FOXJ3: variants seen among roughly 807,000 people sequenced by gnomAD.
FOXJ3 encodes the protein forkhead box protein J3.
FOXJ3 carries 22 observed loss-of-function variants against 76.1 expected under a neutral mutation model. The observed-to-expected ratio is 0.29, with a 90% CI of 0.21 to 0.41. The LOEUF is 0.41. FOXJ3 is among the 10% of genes least tolerant of loss of function. The probability of loss-of-function intolerance (pLI) is 1.00; values close to 1 mark genes in which losing one functional copy is unlikely to be tolerated. For missense variants in FOXJ3, 613 were observed against 762.1 expected, an observed-to-expected ratio of 0.80 and a Z score of 2.30; for synonymous variants, 269 against 261.2, an observed-to-expected ratio of 1.03 and a Z score of -0.29.
intron 4 of FOXJ3, among the ~76,000 whole-genome samples, chr1:42,240,723 G>C (rs1163458400): frequency 6.6e-6 from 1 of 152,118 alleles, no homozygotes; most frequent in African/African-American, 2.4e-5. Context: ...ATGGATCAAA[G>C]ATCTAAATGG....
In FOXJ3 at chr1:42,231,941, T is replaced by C. The variant is rs545047745; in HGVS notation, c.445-3975A>G. On this transcript the variant is annotated intron_variant, in intron 4 of 12. Coordinates refer to ENST00000361346, the MANE Select transcript of FOXJ3 (RefSeq NM_014947.5). ...TTAGGTATATCTCCTAATGCTATCC[T>C]TCCCCCCTACCCCCACCCCACAACA... Among the ~76,000 whole-genome samples, 631 of 152,278 alleles carry C rather than the reference T, an allele frequency of 4.1e-3. 3 individuals carry two copies. Among genetic ancestry groups the C allele is most frequent in the African/African-American group, 0.014 (586 of 41,568 alleles).
intron 3 of FOXJ3, among the ~76,000 whole-genome samples, chr1:42,276,412 G>A (rs1396047432): frequency 6.6e-6 from 1 of 152,008 alleles, no homozygotes; most frequent in Non-Finnish European, 1.5e-5. Flanking sequence ...AATTGCTACC[G>A]TTATAACCTA....
At chr1:42,287,342 A>G (rs1653126615) in intron 2 of FOXJ3, among the ~76,000 whole-genome samples, 1 of 152,108 alleles carries the variant, frequency 6.6e-6, no homozygotes, top group Admixed American at 6.5e-5. Flanking sequence ...TCCATCTTAA[A>G]AAAAAATAAA....
chr1:42,274,060 T>C (rs906434468), intron 3 of FOXJ3, among the ~76,000 whole-genome samples: 4 of 152,198 alleles, frequency 2.6e-5, no homozygotes, highest in Admixed American at 2.6e-4. Context: ...TGAATTCTTA[T>C]TGGGCTTTCT....
chr1:42,272,917 T>C (rs1651967282), intron 3 of FOXJ3, among the ~76,000 whole-genome samples: 1 of 152,166 alleles, frequency 6.6e-6, no homozygotes, highest in Admixed American at 6.5e-5. Flanking sequence ...TTCCTAACAC[T>C]TGAACTTTGA....
intron 3 of FOXJ3, among the ~76,000 whole-genome samples, chr1:42,270,696 A>G (rs1032804225): frequency 3.3e-5 from 5 of 152,162 alleles, no homozygotes; most frequent in African/African-American, 7.2e-5. Context: ...CCTTAAAAAC[A>G]CCGTCCCCAA....
At chr1:42,231,438 CAA>C (rs1648105801) in intron 4 of FOXJ3, among the ~76,000 whole-genome samples, 1 of 151,988 alleles carries the variant, frequency 6.6e-6, no homozygotes, top group Non-Finnish European at 1.5e-5. Context: ...TTCTTAGAGA[CAA>C]AGAGTAAAAT....
At chr1:42,199,729 T>C (rs985240556) in intron 6 of FOXJ3, among the ~76,000 whole-genome samples, 4 of 151,790 alleles carry the variant, frequency 2.6e-5, no homozygotes, top group Admixed American at 6.6e-5. Flanking sequence ...AATTATATGA[T>C]CTAACTTTTA....
At chr1:42,192,696 T>G (rs1401512837) in intron 8 of FOXJ3, among the ~76,000 whole-genome samples, 1 of 152,128 alleles carries the variant, frequency 6.6e-6, no homozygotes, top group Non-Finnish European at 1.5e-5. Flanking sequence ...CTAGACTATT[T>G]TCAAATCCTA....
At chr1:42,247,387 TA>T in intron 4 of FOXJ3, among the ~76,000 whole-genome samples, 1 of 152,244 alleles carries the variant, frequency 6.6e-6, no homozygotes, top group African/African-American at 2.4e-5. Context: ...ATATTAGCAA[TA>T]CAGGATCTGT....
At chr1:42,245,759 C>G (rs1649502761) in intron 4 of FOXJ3, among the ~76,000 whole-genome samples, 1 of 152,088 alleles carries the variant, frequency 6.6e-6, no homozygotes, top group South Asian at 2.1e-4. Flanking sequence ...CTGGTCAAGA[C>G]AAGGATGTCC....
At chr1:42,234,686 A>G (rs192814699) in intron 4 of FOXJ3, among the ~76,000 whole-genome samples, 1 of 152,274 alleles carries the variant, frequency 6.6e-6, no homozygotes, top group East Asian at 1.9e-4. Context: ...TTGCCTGGGT[A>G]TCAGCAGCAG....
intron 2 of FOXJ3, among the ~76,000 whole-genome samples, chr1:42,299,211 G>A (rs1653974573): frequency 6.6e-6 from 1 of 152,168 alleles, no homozygotes; most frequent in South Asian, 2.1e-4. Context: ...TCAGTGAGGT[G>A]TTGATGTTCT....
At chr1:42,218,115 C>T (rs918738088) in intron 5 of FOXJ3, among the ~76,000 whole-genome samples, 2 of 152,144 alleles carry the variant, frequency 1.3e-5, no homozygotes, top group African/African-American at 4.8e-5. Flanking sequence ...ATGTAGATTG[C>T]AATTCTTCCT....
intron 2 of FOXJ3, among the ~76,000 whole-genome samples, chr1:42,293,744 T>C (rs954623977): frequency 6.6e-6 from 1 of 152,208 alleles, no homozygotes; most frequent in African/African-American, 2.4e-5. Flanking sequence ...TTTACTCAGA[T>C]AGTCTCGTCT....
intron 2 of FOXJ3, among the ~76,000 whole-genome samples, chr1:42,310,341 T>C (rs1224693734): frequency 6.6e-6 from 1 of 152,138 alleles, no homozygotes; most frequent in Non-Finnish European, 1.5e-5. Context: ...AGATGGGGTT[T>C]CACCATGTTG....
At chr1:42,304,467 A>C (rs1166572106) in intron 2 of FOXJ3, among the ~76,000 whole-genome samples, 1 of 152,206 alleles carries the variant, frequency 6.6e-6, no homozygotes, top group Non-Finnish European at 1.5e-5. Flanking sequence ...CAAAAAGAAC[A>C]AAACTGGGGG....
intron 11 of FOXJ3, 69 bp from the exon 12 acceptor site, chr1:42,182,093 C>A (rs1284200638): frequency 2.4e-6 from 2 of 829,514 alleles, no homozygotes; most frequent in Admixed American, 2.4e-5. Flanking sequence ...GCACTAAAAT[C>A]TTAACAGAAT....
chr1:42,273,680 A>AAAG (rs1476597800), intron 3 of FOXJ3, among the ~76,000 whole-genome samples: 1 of 151,404 alleles, frequency 6.6e-6, no homozygotes, highest in Non-Finnish European at 1.5e-5. Context: ...ATCTCAAAAA[A>AAAG]AAAAAAAAAA....
Sources: allele counts gnomAD v4.1 joint callset (sites outside exome capture counted in the v4.1 genomes callset), GRCh38; gene constraint gnomAD v4.1.1; transcripts MANE v1.5; gene names NCBI Gene and HGNC (gene_info 2026-07-23, HGNC 2026-07-21).